Variants in ADGRB3 observed in about 807,000 individuals in gnomAD.
ADGRB3 encodes the protein brain-specific angiogenesis inhibitor 3.
In ADGRB3, 37 loss-of-function variants were observed where a neutral mutation model predicts 193.4. That is an observed-to-expected ratio of 0.19 (90% CI 0.15 to 0.25). The LOEUF is 0.25. Among genes scored for constraint, ADGRB3 ranks in the 10% least tolerant of loss-of-function variants. The pLI, the probability that ADGRB3 is intolerant of heterozygous loss-of-function variation, is 1.00. For synonymous variants in ADGRB3, 690 were observed against 644.2 expected (o/e 1.07, Z -1.08); for missense variants, 1,637 against 1,852.9 (o/e 0.88, Z 2.14).
intron 11 of ADGRB3, among the ~76,000 whole-genome samples, chr6:69,007,689 TCTCTCACACACA>T (rs144154189): frequency 0.012 from 1,390 of 118,656 alleles, 14 homozygotes; most frequent in African/African-American, 0.036. Context: ...TCTCTCTCTC[TCTCTCACACACA>T]CACACACACA....
At chr6:68,748,773 C>T (rs1766134581) in intron 3 of ADGRB3, among the ~76,000 whole-genome samples, 1 of 152,192 alleles carries the variant, frequency 6.6e-6, no homozygotes, top group Admixed American at 6.5e-5. Context: ...CCACATTTCC[C>T]TTCCACAATG....
At chr6:69,137,016 C>T (rs1414255695) in intron 17 of ADGRB3, among the ~76,000 whole-genome samples, 1 of 149,108 alleles carries the variant, frequency 6.7e-6, no homozygotes, top group Non-Finnish European at 1.5e-5. Flanking sequence ...CTTTTTACTT[C>T]TCATCCCACC....
chr6:69,060,967 A>G (rs1771731374), intron 15 of ADGRB3, among the ~76,000 whole-genome samples: 2 of 152,030 alleles, frequency 1.3e-5, no homozygotes, highest in Non-Finnish European at 2.9e-5. Flanking sequence ...TACTCACAGA[A>G]AAACATGGAA....
chr6:69,153,729 G>A (rs1774745194), intron 17 of ADGRB3, among the ~76,000 whole-genome samples: 1 of 152,108 alleles, frequency 6.6e-6, no homozygotes, highest in Non-Finnish European at 1.5e-5. Flanking sequence ...AAACATAAGA[G>A]TAACCTGTAA....
intron 29 of ADGRB3, among the ~76,000 whole-genome samples, chr6:69,370,570 T>C (rs73748511): frequency 0.034 from 5,164 of 152,198 alleles, 299 homozygotes; most frequent in African/African-American, 0.12. Flanking sequence ...TGTATGAGTG[T>C]ATCCATTTTC....
At position 69,133,650 on chromosome 6, in the gene ADGRB3, G is replaced by GC. The variant is rs368649862; in HGVS notation, c.2480+57613dup. On this transcript the variant is annotated intron_variant, in intron 17 of 31. Transcript: ENST00000370598. ...AGCATCATCCTGATAACGAAACCCG[G>GC]CAGAGACACAACAAAAAAAGAAAAT... Among the ~76,000 whole-genome samples the GC allele has an allele frequency of 2.2e-3, 334 of 150,166 alleles. 4 individuals are homozygous for GC. Among genetic ancestry groups the GC allele is most frequent in the African/African-American group, 8.0e-3 (327 of 41,064 alleles).
chr6:68,859,973 CCATAA>C (rs1315955675), intron 3 of ADGRB3, among the ~76,000 whole-genome samples: 5 of 151,726 alleles, frequency 3.3e-5, no homozygotes, highest in Non-Finnish European at 7.4e-5. Flanking sequence ...AATAATTATT[CCATAA>C]CATAATAGTA....
intron 17 of ADGRB3, among the ~76,000 whole-genome samples, chr6:69,183,053 A>G (rs186339146): frequency 2.0e-5 from 3 of 152,132 alleles, no homozygotes; most frequent in Non-Finnish European, 4.4e-5. Flanking sequence ...CCTTACACAC[A>G]TTCTGCTGTT....
At chr6:68,812,834 C>T (rs1446129578) in intron 3 of ADGRB3, among the ~76,000 whole-genome samples, 4 of 143,386 alleles carry the variant, frequency 2.8e-5, no homozygotes, top group East Asian at 2.1e-4. Context: ...AGCCCCCCAA[C>T]CCCCCACAGG....
At chr6:68,785,842 C>T (rs903165153) in intron 3 of ADGRB3, among the ~76,000 whole-genome samples, 7 of 152,012 alleles carry the variant, frequency 4.6e-5, no homozygotes, top group African/African-American at 1.4e-4. Context: ...TTTTAATGAT[C>T]GCCATTCTAA....
chr6:68,706,969 G>A (rs1270131435), intron 3 of ADGRB3, among the ~76,000 whole-genome samples: 4 of 152,022 alleles, frequency 2.6e-5, no homozygotes, highest in Admixed American at 1.3e-4. Flanking sequence ...AAATTAGCCG[G>A]GCATGGTGGC....
chr6:69,306,868 A>G (rs1002643028), intron 20 of ADGRB3, among the ~76,000 whole-genome samples: 1 of 151,462 alleles, frequency 6.6e-6, no homozygotes, highest in African/African-American at 2.4e-5. Flanking sequence ...TGTATCACAG[A>G]TTTAAGAGAG....
At chr6:68,817,311 A>ATG (rs1477025312) in intron 3 of ADGRB3, among the ~76,000 whole-genome samples, 4 of 6,136 alleles carry the variant, frequency 6.5e-4, no homozygotes, top group African/African-American at 1.8e-3. Flanking sequence ...GTCCATGTAT[A>ATG]TATATATATA....
At chr6:69,230,955 A>G (rs1390318876) in intron 17 of ADGRB3, among the ~76,000 whole-genome samples, 1 of 152,250 alleles carries the variant, frequency 6.6e-6, no homozygotes, top group Non-Finnish European at 1.5e-5. Context: ...CTAAAGAATG[A>G]TAAGGACAGA....
At chr6:68,999,343 C>A (rs539443708) in intron 11 of ADGRB3, among the ~76,000 whole-genome samples, 4 of 150,806 alleles carry the variant, frequency 2.7e-5, no homozygotes, top group South Asian at 4.2e-4. Flanking sequence ...TCGCTCACTG[C>A]AAGCTCTGCC....
intron 17 of ADGRB3, among the ~76,000 whole-genome samples, chr6:69,106,481 A>G (rs1269686227): frequency 2.0e-5 from 3 of 152,088 alleles, no homozygotes; most frequent in Non-Finnish European, 4.4e-5. Flanking sequence ...GCATTCGTGT[A>G]CCCTCCTCCC....
At chr6:69,271,677 A>G (rs1767182770) in intron 20 of ADGRB3, among the ~76,000 whole-genome samples, 2 of 152,096 alleles carry the variant, frequency 1.3e-5, no homozygotes, top group African/African-American at 4.8e-5. Context: ...CATACTTAGT[A>G]TCTCTCTCTT....
At chr6:69,308,393 A>T (rs1282461668) in intron 20 of ADGRB3, among the ~76,000 whole-genome samples, 1 of 151,518 alleles carries the variant, frequency 6.6e-6, no homozygotes, top group East Asian at 1.9e-4. Context: ...ATATGGAGGA[A>T]TTGAGGAAGA....
intron 26 of ADGRB3, among the ~76,000 whole-genome samples, chr6:69,343,119 T>C (rs1433512675): frequency 4.0e-5 from 6 of 151,262 alleles, no homozygotes; most frequent in Non-Finnish European, 5.9e-5. Flanking sequence ...TAATGTGTTG[T>C]GTATGGAGCC....
Sources: gnomAD v4.1 joint callset for allele counts (sites outside exome capture counted in the v4.1 genomes callset) on GRCh38, gnomAD v4.1.1 for gene constraint, MANE v1.5 for transcripts, NCBI Gene and HGNC (gene_info 2026-07-23, HGNC 2026-07-21) for gene names.